The following SNTG1 variants were observed in gnomAD, a reference collection of about 807,000 sequenced individuals.
SNTG1 encodes syntrophin gamma 1.
A neutral mutation model predicts 74.7 loss-of-function variants in SNTG1; 39 were observed. The observed-to-expected ratio is 0.52, with a 90% CI of 0.40 to 0.68. The LOEUF (loss-of-function observed/expected upper bound fraction) is 0.68. SNTG1 is among the 30% of genes least tolerant of loss of function. The probability of loss-of-function intolerance (pLI) is 0.00; values close to 1 mark genes in which losing one functional copy is unlikely to be tolerated. For missense variants in SNTG1, 685 were observed against 609.5 expected, an observed-to-expected ratio of 1.12 and a Z score of -1.30; for synonymous variants, 254 against 217.1, an observed-to-expected ratio of 1.17 and a Z score of -1.49.
At chr8:50,258,448 A>T (rs1249664966) in intron 2 of SNTG1, among the ~76,000 whole-genome samples, 1 of 152,230 alleles carries the variant, frequency 6.6e-6, no homozygotes, top group Non-Finnish European at 1.5e-5. Context: ...ATCAAGTGAT[A>T]GAATTTGTTT....
intron 4 of SNTG1, among the ~76,000 whole-genome samples, chr8:50,416,046 A>G (rs1001722267): frequency 5.3e-5 from 8 of 152,164 alleles, no homozygotes; most frequent in East Asian, 1.9e-4. Context: ...TATTTTTACA[A>G]TGTCAATGCT....
intron 1 of SNTG1, among the ~76,000 whole-genome samples, chr8:50,148,859 A>C (rs182883456): frequency 3.9e-5 from 6 of 152,324 alleles, no homozygotes; most frequent in African/African-American, 1.2e-4. Flanking sequence ...CAATAAACAT[A>C]CGTGTGCATG....
chr8:50,129,558 A>G (rs887010206), intron 1 of SNTG1, among the ~76,000 whole-genome samples: 2 of 152,092 alleles, frequency 1.3e-5, no homozygotes, highest in Admixed American at 1.3e-4. Context: ...TTACCTACAG[A>G]GTTGCCCTCA....
intron 2 of SNTG1, among the ~76,000 whole-genome samples, chr8:50,296,600 G>A (rs553898240): frequency 6.6e-5 from 10 of 152,180 alleles, no homozygotes; most frequent in African/African-American, 2.2e-4. Context: ...AACACACACT[G>A]GGGCCTGTCA....
At chr8:50,010,529 T>C (rs1357944072) in intron 1 of SNTG1, among the ~76,000 whole-genome samples, 1 of 152,040 alleles carries the variant, frequency 6.6e-6, no homozygotes, top group Non-Finnish European at 1.5e-5. Flanking sequence ...TACTAACACA[T>C]ATGGATGAAA....
intron 9 of SNTG1, among the ~76,000 whole-genome samples, chr8:50,517,253 T>G (rs1023356857): frequency 1.2e-4 from 18 of 152,150 alleles, no homozygotes; most frequent in African/African-American, 4.3e-4. Flanking sequence ...GCTGAGAAAT[T>G]TTGTCATCAC....
At chr8:50,059,860 G>A (rs56043727) in intron 1 of SNTG1, among the ~76,000 whole-genome samples, 3 of 152,048 alleles carry the variant, frequency 2.0e-5, no homozygotes, top group African/African-American at 7.2e-5. Flanking sequence ...TATATACCTA[G>A]AAGTAAAATT....
At chr8:50,049,610 G>A (rs1819395765) in intron 1 of SNTG1, among the ~76,000 whole-genome samples, 1 of 152,062 alleles carries the variant, frequency 6.6e-6, no homozygotes, top group African/African-American at 2.4e-5. Flanking sequence ...TGAGTGCATA[G>A]TGGAACTAAG....
Position 50,657,028 on chromosome 8 carries a change from A to G in SNTG1, c.966+3A>G, listed in dbSNP as rs964308982. 2 of 1,515,058 alleles carry G rather than the reference A, an allele frequency of 1.3e-6. No individual in the cohort carries two copies. Among genetic ancestry groups the G allele is most frequent in the African/African-American group, 1.4e-5 (1 of 70,480 alleles). 93.9% of individuals were successfully genotyped at this position (1,515,058 alleles called of 1,614,324 possible). On this transcript the variant is annotated splice_donor_region_variant and intron_variant, in intron 14 of 18. Coordinates refer to ENST00000642720, the MANE Select transcript of SNTG1 (RefSeq NM_018967.5). ...TCTACAAGTTTCTGGCACCTCCAGTACGTGTTTTATTGAAATGTATTGGTC... is the reference window on the plus strand; with the variant it reads ...TCTACAAGTTTCTGGCACCTCCAGTGCGTGTTTTATTGAAATGTATTGGTC...
intron 15 of SNTG1, among the ~76,000 whole-genome samples, chr8:50,665,087 AT>A (rs2095244232): frequency 6.6e-6 from 1 of 152,138 alleles, no homozygotes. Flanking sequence ...ATAAGTTTAC[AT>A]TTTTGATAAA....
At chr8:50,734,897 A>ACATATATATATCTATATATATGTC (rs1235972403) in intron 17 of SNTG1, among the ~76,000 whole-genome samples, 2 of 133,106 alleles carry the variant, frequency 1.5e-5, no homozygotes, top group East Asian at 4.4e-4. Flanking sequence ...ATATATATGG[A>ACATATATATATCTATATATATGTC]CATATATATA....
chr8:50,404,856 C>G (rs2092851686), intron 4 of SNTG1, among the ~76,000 whole-genome samples: 1 of 152,012 alleles, frequency 6.6e-6, no homozygotes, highest in East Asian at 1.9e-4. Context: ...TACTTTCTGC[C>G]TCTACATTTG....
At position 50,118,867 on chromosome 8, in the gene SNTG1, A is replaced by G. The variant is rs1334046028; in HGVS notation, c.-102-53694A>G. ...AAAATTAATTTCTTTAAATTAAAAGACTTGGAGGTAGAGTAATGGGATCTA... is the reference window on the plus strand; with the variant it reads ...AAAATTAATTTCTTTAAATTAAAAGGCTTGGAGGTAGAGTAATGGGATCTA... On this transcript the variant is annotated intron_variant, in intron 1 of 18. Transcript: ENST00000642720. 4.2e-5 allele frequency among the ~76,000 whole-genome samples: 6 copies of G among 142,046 alleles called. 1 individual carries two copies. The East Asian group carries it at 1.2e-3, about 29-fold the overall frequency. The allele number at this position is 142,046 out of a possible 152,430, so 93.2% of individuals were successfully genotyped here. A position where few individuals can be genotyped will look rare whatever the true frequency, so the allele number is the denominator to read the frequency against.
At chr8:50,697,137 T>A (rs2131483973) in intron 15 of SNTG1, among the ~76,000 whole-genome samples, 1 of 152,192 alleles carries the variant, frequency 6.6e-6, no homozygotes, top group Admixed American at 6.5e-5. Flanking sequence ...GTTTTGCAGT[T>A]TTTCTGGTAG....
intron 8 of SNTG1, among the ~76,000 whole-genome samples, chr8:50,487,721 G>T (rs1227201272): frequency 2.0e-5 from 3 of 151,678 alleles, no homozygotes; most frequent in Non-Finnish European, 4.4e-5. Context: ...AGCACTGGGA[G>T]ATATACCTAA....
chr8:49,954,007 T>G (rs1809950634), intron 1 of SNTG1, among the ~76,000 whole-genome samples: 1 of 152,202 alleles, frequency 6.6e-6, no homozygotes, highest in Non-Finnish European at 1.5e-5. Flanking sequence ...ATTTCTTTAG[T>G]GAAAAAAGTT....
At chr8:49,920,457 AT>A (rs1806430251) in intron 1 of SNTG1, among the ~76,000 whole-genome samples, 1 of 152,062 alleles carries the variant, frequency 6.6e-6, no homozygotes, top group African/African-American at 2.4e-5. Flanking sequence ...ATGCTTTTCT[AT>A]TCATAAGTGG....
intron 4 of SNTG1, among the ~76,000 whole-genome samples, chr8:50,413,285 A>G (rs540680644): frequency 2.0e-5 from 3 of 152,364 alleles, no homozygotes; most frequent in Admixed American, 1.3e-4. Context: ...TGACAGATAT[A>G]GACAGATGAT....
intron 4 of SNTG1, among the ~76,000 whole-genome samples, chr8:50,409,954 G>A (rs1043324241): frequency 4.6e-5 from 7 of 152,160 alleles, no homozygotes; most frequent in Non-Finnish European, 1.5e-5. Context: ...CAGTACCTCA[G>A]TGTAATGGGC....
Sources: allele counts gnomAD v4.1 joint callset (sites outside exome capture counted in the v4.1 genomes callset), GRCh38; gene constraint gnomAD v4.1.1; transcripts MANE v1.5; gene names NCBI Gene and HGNC (gene_info 2026-07-23, HGNC 2026-07-21).